PRR14L: variants seen among roughly 807,000 people sequenced by gnomAD.
PRR14L encodes the protein protein PRR14L.
A neutral mutation model predicts 155.0 loss-of-function variants in PRR14L; 80 were observed. The ratio of observed to expected loss-of-function variants is 0.52; its 90% CI spans 0.43 to 0.62. The LOEUF (loss-of-function observed/expected upper bound fraction) is 0.62. Ranked by LOEUF, PRR14L falls within the 20% of genes least tolerant of loss-of-function variation. The pLI is 0.00. For missense variants in PRR14L, 2,469 were observed against 2,548.0 expected (o/e 0.97, Z 0.67); for synonymous variants, 883 against 916.0 (o/e 0.96, Z 0.65).
At chr22:31,695,354 G>C (rs1399263565) in intron 7 of PRR14L, among the ~76,000 whole-genome samples, 2 of 152,142 alleles carry the variant, frequency 1.3e-5, no homozygotes, top group Admixed American at 1.3e-4. Flanking sequence ...AGGTGGAAGG[G>C]AGCTTCTCTT....
Position 31,716,492 on chromosome 22 carries a change from G to A in PRR14L, c.1347C>T (p.Asp449=), listed in dbSNP as rs1421105840. ...KENIHNNCIQ[D]SLHTGNSSSL... is the part of the protein sequence containing the mutation. ...AACTAGAGTTCCCTGTATGGAGACT[G>A]TCTTGAATGCAGTTATTGTGGATAT... The change falls in exon 4 of 9, where the codon GAC becomes GAT. Residue 449 remains aspartate (D), a synonymous_variant. Transcript: ENST00000327423. The A allele has an allele frequency of 6.5e-7, 1 of 1,548,928 alleles. No homozygotes were observed. The highest frequency in any genetic ancestry group is 1.2e-5 in the South Asian group (1 of 83,220).
chr22:31,713,924 T>C lies in PRR14L; in HGVS notation c.3915A>G (p.Glu1305=), dbSNP rs1216459710. ...SDRDSVCTCV[E]KNACKACHPH... is the part of the protein sequence containing the mutation. ...GGTGACAAGCTTTGCAAGCATTCTT[T>C]TCCACACAGGTACATACGCTGTCTC... The change falls in exon 4 of 9, where the codon GAA becomes GAG. Residue 1305 remains glutamate (E), a synonymous_variant. Transcript: ENST00000327423. 1.3e-6 allele frequency: 2 copies of C among 1,551,882 alleles called. No homozygotes were observed. The highest frequency in any genetic ancestry group is 8.7e-7 in the Non-Finnish European group (1 of 1,147,024).
At chr22:31,706,223 T>C (rs1157192889) in intron 4 of PRR14L, among the ~76,000 whole-genome samples, 2 of 150,250 alleles carry the variant, frequency 1.3e-5, no homozygotes, top group Non-Finnish European at 3.0e-5. Flanking sequence ...CCCAGCTACT[T>C]GGGAGGGTGA....
At position 31,701,833 on chromosome 22, in the gene PRR14L, G is replaced by A. The variant is rs1191903044; in HGVS notation, c.6001-71C>T. 6.6e-6 allele frequency: 8 copies of A among 1,213,054 alleles called. No homozygotes were observed. The African/African-American group carries it at 1.1e-4, about 16-fold the overall frequency. 75.1% of individuals were successfully genotyped at this position (1,213,054 alleles called of 1,614,324 possible). Reference sequence around the variant, plus strand: ...TTTATTTATATATTTTTTGAGACAAGGTCTCACTCTGTGGCCCAGGCTGGT... The same window carrying A: ...TTTATTTATATATTTTTTGAGACAAAGTCTCACTCTGTGGCCCAGGCTGGT... On this transcript the variant is annotated intron_variant, in intron 6 of 8. Transcript: ENST00000327423.
At chr22:31,737,683 T>C (rs1427421033) in intron 2 of PRR14L, among the ~76,000 whole-genome samples, 1 of 151,960 alleles carries the variant, frequency 6.6e-6, no homozygotes, top group African/African-American at 2.4e-5. Flanking sequence ...TAGCTCACTA[T>C]TAGTCTCAAC....
intron 2 of PRR14L, among the ~76,000 whole-genome samples, chr22:31,729,895 C>T (rs770920062): frequency 3.9e-5 from 6 of 151,988 alleles, no homozygotes; most frequent in Admixed American, 6.6e-5. Context: ...ATTTTTGGGC[C>T]GAGCACGGTG....
chr22:31,737,841 C>T (rs992156610), intron 2 of PRR14L, among the ~76,000 whole-genome samples: 38 of 151,858 alleles, frequency 2.5e-4, no homozygotes, highest in Admixed American at 5.9e-4. Flanking sequence ...GACGAAACCC[C>T]GTCTCTACTA....
At chr22:31,733,314 T>TTTTTTTTTG (rs2074760656) in intron 2 of PRR14L, among the ~76,000 whole-genome samples, 1 of 143,402 alleles carries the variant, frequency 7.0e-6, no homozygotes, top group Non-Finnish European at 1.5e-5. Context: ...TTTTTTTTTT[T>TTTTTTTTTG]TTTTTTTTGA....
Position 31,738,706 on chromosome 22 carries a change from G to A in PRR14L, c.155C>T (p.Ala52Val). Residue 52 changes from alanine (A) to valine (V), a missense_variant, in exon 2 of 9, where the codon GCC becomes GTC. Around this residue, in one of 2 missense-constraint regions of PRR14L, gnomAD observed 2,363 missense variants for 2,371.6 expected, o/e 1.00. Coordinates refer to ENST00000327423, the MANE Select transcript of PRR14L (RefSeq NM_173566.3). Reference protein sequence around the residue: ...PSVIPDVKPGASSSLLSQNRA... With the variant: ...PSVIPDVKPGVSSSLLSQNRA... The stretch of plus-strand genomic sequence containing the variant: ...ATTCTGACTTAAAAGAGAGCTTGAG[G>A]CTCCAGGTTTTACATCTGGAATCAC... 1 of 1,551,858 alleles carries A rather than the reference G, an allele frequency of 6.4e-7. No individual in the cohort carries two copies. The highest frequency in any genetic ancestry group is 8.7e-7 in the Non-Finnish European group (1 of 1,147,048).
intron 2 of PRR14L, among the ~76,000 whole-genome samples, chr22:31,730,430 C>T (rs1389226868): frequency 2.0e-5 from 3 of 152,020 alleles, no homozygotes; most frequent in African/African-American, 4.8e-5. Flanking sequence ...GGCTACAGAG[C>T]GAGACTCCGT....
At chr22:31,690,998 C>CT (rs2074508804) in intron 7 of PRR14L, among the ~76,000 whole-genome samples, 1 of 149,428 alleles carries the variant, frequency 6.7e-6, no homozygotes, top group Non-Finnish European at 1.5e-5. Context: ...AAGTCTCACT[C>CT]TGTCACCCAG....
At chr22:31,688,120 A>G (rs367765247) in intron 8 of PRR14L, 36 bp downstream of exon 8, 2 of 1,579,184 alleles carry the variant, frequency 1.3e-6, no homozygotes, top group Non-Finnish European at 1.7e-6. Context: ...ATCATTTCAA[A>G]TTCTTCCCTT....
At chr22:31,743,229 G>A (rs1490454744) in intron 1 of PRR14L, among the ~76,000 whole-genome samples, 3 of 151,722 alleles carry the variant, frequency 2.0e-5, no homozygotes, top group Non-Finnish European at 1.5e-5. Flanking sequence ...TTGAACCTGG[G>A]AGGCAGAGGG....
In PRR14L at chr22:31,716,195, C is replaced by T; in HGVS notation, c.1644G>A (p.Gln548=). The change falls in exon 4 of 9, where the codon CAG becomes CAA. Residue 548 remains glutamine, a synonymous_variant. Transcript: ENST00000327423. ...ACTGGGTGTTGCCTTCCAGATTTCT[C>T]TGGATGCTGACTAAGGAGTTACAGT... ...TKDCNSLVSI[Q]RNLEGNTQLN... 1.9e-6 allele frequency: 3 copies of T among 1,551,546 alleles called. No homozygotes were observed. Among genetic ancestry groups the T allele is most frequent in the Non-Finnish European group, 2.6e-6 (3 of 1,146,936 alleles).
intron 2 of PRR14L, among the ~76,000 whole-genome samples, chr22:31,728,443 T>G (rs944035184): frequency 6.6e-6 from 1 of 151,718 alleles, no homozygotes; most frequent in Non-Finnish European, 1.5e-5. Context: ...AGAAACCCTG[T>G]CTCTACTAAA....
rs761703514 is a variant in PRR14L at position 31,716,666 on chromosome 22, G to T, written c.1173C>A (p.Asn391Lys). 18 of 1,551,950 alleles carry T rather than the reference G, an allele frequency of 1.2e-5. No homozygotes were observed. In the South Asian group the frequency reaches 1.9e-4, roughly 16 times the overall value. Reference protein sequence around the residue: ...YFYRGDDQGKNLASREENEER... With the variant: ...YFYRGDDQGKKLASREENEER... ...CCTCATTTTCTTCTCTAGAAGCCAA[G>T]TTCTTCCCTTGATCATCCCCCCTAT... Residue 391 changes from asparagine (N) to lysine (K), a missense_variant, in exon 4 of 9, where the codon AAC (asparagine) becomes AAA (lysine). Asn to Lys is a moderately conservative substitution (Grantham distance 94). Around this residue, in one of 2 missense-constraint regions of PRR14L, gnomAD observed 2,363 missense variants for 2,371.6 expected, o/e 1.00. Coordinates refer to ENST00000327423, the MANE Select transcript of PRR14L (RefSeq NM_173566.3).
intron 7 of PRR14L, among the ~76,000 whole-genome samples, chr22:31,692,151 A>C (rs1348006701): frequency 6.6e-6 from 1 of 152,140 alleles, no homozygotes; most frequent in African/African-American, 2.4e-5. Context: ...TACAGGCGTG[A>C]GCCACCGTGC....
At chr22:31,719,064 ACT>A (rs2074676194) in intron 3 of PRR14L, among the ~76,000 whole-genome samples, 1 of 151,714 alleles carries the variant, frequency 6.6e-6, no homozygotes, top group East Asian at 1.9e-4. Context: ...ACAGAGCAAG[ACT>A]CTGTCTCAAA....
In PRR14L at chr22:31,713,997, G is replaced by A. The variant is rs528922284; in HGVS notation, c.3842C>T (p.Pro1281Leu). ...TCTTGATACTATTTCCTTCATCTCA[G>A]GAAGGACTGTGCAGTCCTTTACATT... is the stretch of plus-strand genomic sequence containing the variant. The part of the protein sequence containing the change: ...CENVKDCTVL[P>L]EMKEIVSRDW... Residue 1281 changes from proline to leucine, a missense_variant, in exon 4 of 9, where the codon CCT (proline) becomes CTT (leucine). Pro to Leu is a moderately conservative substitution (Grantham distance 98, BLOSUM62 -3). Transcript: ENST00000327423. The A allele has an allele frequency of 6.4e-7, 1 of 1,550,732 alleles. No individual in the cohort carries two copies. Among genetic ancestry groups the A allele is most frequent in the South Asian group, 1.2e-5 (1 of 84,036 alleles).
Sources: allele counts gnomAD v4.1 joint callset (sites outside exome capture counted in the v4.1 genomes callset), GRCh38; gene constraint gnomAD v4.1.1; regional missense constraint gnomAD v4.1.1; transcripts MANE v1.5; gene names NCBI Gene and HGNC (gene_info 2026-07-23, HGNC 2026-07-21).